The following MAK16 variants were observed in gnomAD, a reference collection of about 807,000 sequenced individuals.
The protein encoded by MAK16 is MAK16 homolog, also known as protein MAK16 homolog.
A neutral mutation model predicts 49.9 loss-of-function variants in MAK16; 12 were observed. The observed-to-expected ratio is 0.24, with a 90% CI of 0.15 to 0.39. MAK16 has a LOEUF of 0.39. MAK16 is among the 10% of genes least tolerant of loss of function. MAK16 has a pLI of 1.00. For missense variants in MAK16, 292 were observed against 363.7 expected (o/e 0.80, Z 1.60); for synonymous variants, 115 against 126.4 (o/e 0.91, Z 0.60).
At chr8:33,488,273 A>G in intron 1 of MAK16, 105 bp from the exon 2 acceptor site, 1 of 1,249,212 alleles carries the variant, frequency 8.0e-7, no homozygotes, top group African/African-American at 1.5e-5. Flanking sequence ...CTATTTTACA[A>G]AACATTTCTT....
chr8:33,499,297 A>G lies in MAK16; in HGVS notation c.*668A>G. On this transcript the variant is annotated 3_prime_UTR_variant, in exon 10 of 10. Transcript: ENST00000360128. The stretch of plus-strand genomic sequence containing the variant: ...GAGACCCTGAAACATGAAACCAAAC[A>G]GGCTTTGATATTTTTTTTTTTTTAA... The G allele has an allele frequency of 1.3e-6, 2 of 1,554,248 alleles. No homozygotes were observed. The highest frequency in any genetic ancestry group is 1.8e-6 in the Non-Finnish European group (2 of 1,129,160).
At chr8:33,485,862 A>G (rs561169295) in intron 1 of MAK16, among the ~76,000 whole-genome samples, 4 of 152,364 alleles carry the variant, frequency 2.6e-5, no homozygotes, top group South Asian at 4.1e-4. Context: ...CAATTACACT[A>G]TATAATCATA....
At chr8:33,494,545 C>T (rs11998367) in intron 6 of MAK16, among the ~76,000 whole-genome samples, 1,760 of 152,296 alleles carry the variant, frequency 0.012, 39 homozygotes, top group African/African-American at 0.04. Flanking sequence ...CTTGCAAGCC[C>T]TATCTGCCGT....
At chr8:33,487,363 G>C (rs1808704668) in intron 1 of MAK16, among the ~76,000 whole-genome samples, 1 of 151,568 alleles carries the variant, frequency 6.6e-6, no homozygotes, top group African/African-American at 2.4e-5. Context: ...GCAGTAGATA[G>C]TTTTCTTTGC....
At position 33,498,434 on chromosome 8, in the gene MAK16, T is replaced by G; in HGVS notation, c.708T>G (p.Asp236Glu). The G allele has an allele frequency of 6.2e-7, 1 of 1,613,832 alleles. No homozygotes were observed. Among genetic ancestry groups the G allele is most frequent in the Non-Finnish European group, 8.5e-7 (1 of 1,179,922 alleles). ...TATCTTTTCTCTCCCCGTAATAGGATATGGATAAACTGGATGCCAGCAGTG... is the reference window on the plus strand; with the variant it reads ...TATCTTTTCTCTCCCCGTAATAGGAGATGGATAAACTGGATGCCAGCAGTG... ...VDESDISDFE[D>E]MDKLDASSDE... Residue 236 changes from aspartate (D) to glutamate (E), a missense_variant and splice_region_variant, in exon 10 of 10, where the codon GAT (aspartate) becomes GAG (glutamate). Coordinates refer to ENST00000360128, the MANE Select transcript of MAK16 (RefSeq NM_032509.4).
rs1486445515 is a variant in MAK16 at position 33,494,470 on chromosome 8, A to C, written c.448-1072A>C. Reference sequence around the variant, plus strand: ...GGCAGAATATTCAGTGTCATCTATGAATCCGCTTAACTAAGCAAACATAAA... The same window carrying C: ...GGCAGAATATTCAGTGTCATCTATGCATCCGCTTAACTAAGCAAACATAAA... On this transcript the variant is annotated intron_variant, in intron 6 of 9. Coordinates refer to ENST00000360128, the MANE Select transcript of MAK16 (RefSeq NM_032509.4). Among the ~76,000 whole-genome samples, 4 of 152,230 alleles carry C rather than the reference A, an allele frequency of 2.6e-5. No individual in the cohort carries two copies. In the East Asian group the frequency reaches 7.7e-4, roughly 29 times the overall value.
At chr8:33,493,360 G>A (rs939454314) in intron 6 of MAK16, among the ~76,000 whole-genome samples, 4 of 152,102 alleles carry the variant, frequency 2.6e-5, no homozygotes, top group African/African-American at 9.7e-5. Flanking sequence ...CACCACATTG[G>A]CCAGGCTGGT....
chr8:33,493,106 T>C (rs953249794), intron 6 of MAK16, among the ~76,000 whole-genome samples: 1 of 152,194 alleles, frequency 6.6e-6, no homozygotes, highest in Non-Finnish European at 1.5e-5. Context: ...GTCTGCAAAG[T>C]TGTGCTCACC....
chr8:33,492,126 C>G (rs1808788199), intron 6 of MAK16, among the ~76,000 whole-genome samples: 1 of 152,080 alleles, frequency 6.6e-6, no homozygotes, highest in African/African-American at 2.4e-5. Flanking sequence ...TCTTGTGCCT[C>G]AGCCTCCCAA....
chr8:33,495,106 A>C (rs1164254733), intron 6 of MAK16, among the ~76,000 whole-genome samples: 1 of 152,262 alleles, frequency 6.6e-6, no homozygotes, highest in Non-Finnish European at 1.5e-5. Flanking sequence ...CCAATGAGAG[A>C]TCACTGGAGG....
chr8:33,496,816 A>G, intron 8 of MAK16, 75 bp downstream of exon 8: 2 of 1,130,202 alleles, frequency 1.8e-6, no homozygotes, highest in Non-Finnish European at 2.5e-6. Flanking sequence ...TATCATCTTC[A>G]GTCCGCTAAC....
chr8:33,491,089 T>A (rs552010485), intron 6 of MAK16, among the ~76,000 whole-genome samples: 1 of 152,366 alleles, frequency 6.6e-6, no homozygotes, highest in South Asian at 2.1e-4. Flanking sequence ...TCCGGTTCCA[T>A]CCATGTTGTT....
At chr8:33,490,642 A>G (rs1051006740) in intron 6 of MAK16, among the ~76,000 whole-genome samples, 6 of 152,216 alleles carry the variant, frequency 3.9e-5, no homozygotes, top group African/African-American at 1.4e-4. Context: ...CATATTTTAC[A>G]TACTACATAA....
At chr8:33,492,379 G>A (rs566752215) in intron 6 of MAK16, among the ~76,000 whole-genome samples, 1 of 152,314 alleles carries the variant, frequency 6.6e-6, no homozygotes, top group African/African-American at 2.4e-5. Flanking sequence ...TCTTCACTTT[G>A]TTGTTTCCTT....
In MAK16 at chr8:33,485,540, T is replaced by C. The variant is rs548731972; in HGVS notation, c.15+319T>C. 149 of 435,744 alleles carry C rather than the reference T, an allele frequency of 3.4e-4. 1 individual carries two copies. Among genetic ancestry groups the C allele is most frequent in the African/African-American group, 2.4e-3 (121 of 50,604 alleles). 27.0% of individuals were successfully genotyped at this position (435,744 alleles called of 1,614,324 possible). On this transcript the variant is annotated intron_variant, in intron 1 of 9. Coordinates refer to ENST00000360128, the MANE Select transcript of MAK16 (RefSeq NM_032509.4). ...TCAGCTGTCAGCTCCGGACTTGGGG[T>C]GGGGGGCGGCCCGGGATTTGGCGAA...
chr8:33,491,315 G>A (rs949184414), intron 6 of MAK16, among the ~76,000 whole-genome samples: 4 of 152,168 alleles, frequency 2.6e-5, no homozygotes, highest in African/African-American at 9.7e-5. Flanking sequence ...ACTGCTAGAT[G>A]GTATGGTAGC....
At chr8:33,487,982 G>A (rs529823983) in intron 1 of MAK16, among the ~76,000 whole-genome samples, 3 of 152,126 alleles carry the variant, frequency 2.0e-5, no homozygotes, top group South Asian at 2.1e-4. Context: ...AGGCTGGAGC[G>A]CAATGGCACA....
Position 33,500,667 on chromosome 8 carries a change from C to G in MAK16, c.*2038C>G, listed in dbSNP as rs537407595. On this transcript the variant is annotated 3_prime_UTR_variant, in exon 10 of 10. Transcript: ENST00000360128. ...AGACAGCCTCTAGATTTCTTACCCT[C>G]AAGTCTCCTGTTAGCATACTGCCTA... The G allele has an allele frequency of 1.5e-6, 1 of 668,318 alleles. No individual in the cohort carries two copies. The highest frequency in any genetic ancestry group is 3.0e-5 in the Admixed American group (1 of 33,856). 41.4% of individuals were successfully genotyped at this position (668,318 alleles called of 1,614,324 possible). A position where few individuals can be genotyped will look rare whatever the true frequency, so the allele number is the denominator to read the frequency against.
At chr8:33,487,261 A>C (rs1460116804) in intron 1 of MAK16, among the ~76,000 whole-genome samples, 1 of 152,204 alleles carries the variant, frequency 6.6e-6, no homozygotes, top group African/African-American at 2.4e-5. Context: ...TTAAGTGGCT[A>C]CTGTGTGTCA....
Sources: allele counts gnomAD v4.1 joint callset (sites outside exome capture counted in the v4.1 genomes callset), GRCh38; gene constraint gnomAD v4.1.1; transcripts MANE v1.5; gene names NCBI Gene and HGNC (gene_info 2026-07-23, HGNC 2026-07-21).